ATP2C2: variants seen among roughly 807,000 people sequenced by gnomAD.
The protein encoded by ATP2C2 is ATPase secretory pathway Ca2+ transporting 2.
A neutral mutation model predicts 110.8 loss-of-function variants in ATP2C2; 171 were observed. The observed-to-expected ratio is 1.54, with a 90% CI of 1.36 to 1.75. The LOEUF (loss-of-function observed/expected upper bound fraction) is 1.75, where lower values mean the gene tolerates loss of function less well. Among genes scored for constraint, ATP2C2 ranks in the 40% most tolerant of loss-of-function variants. The probability of loss-of-function intolerance (pLI) is 0.00; values close to 1 mark genes in which losing one functional copy is unlikely to be tolerated. For missense variants in ATP2C2, 1,963 were observed against 1,235.0 expected (o/e 1.59, Z -8.84); for synonymous variants, 804 against 508.4 (o/e 1.58, Z -7.82).
At chr16:84,369,265 T>C (rs924054242) in intron 1 of ATP2C2, among the ~76,000 whole-genome samples, 5 of 152,128 alleles carry the variant, frequency 3.3e-5, no homozygotes, top group Non-Finnish European at 7.4e-5. Context: ...AGGGACCCTC[T>C]GGGATAAAGC....
In ATP2C2 at chr16:84,442,413, C is replaced by T. The variant is rs1909346942; in HGVS notation, c.1312-97C>T. ...GTTGTTTTAAAGAGCAAGTCTTGTCCCCACAACCCCAGCTGTAAAAATGGG... is the reference window on the plus strand; with the variant it reads ...GTTGTTTTAAAGAGCAAGTCTTGTCTCCACAACCCCAGCTGTAAAAATGGG... On this transcript the variant is annotated intron_variant, in intron 14 of 26. Transcript: ENST00000262429. 9 of 1,140,920 alleles carry T rather than the reference C, an allele frequency of 7.9e-6. No homozygotes were observed. The South Asian group carries it at 8.7e-5, about 11-fold the overall frequency. The allele number at this position is 1,140,920 out of a possible 1,614,324, so 70.7% of individuals were successfully genotyped here.
intron 11 of ATP2C2, among the ~76,000 whole-genome samples, chr16:84,433,190 G>A (rs1313268496): frequency 2.6e-5 from 4 of 152,012 alleles, no homozygotes; most frequent in Non-Finnish European, 5.9e-5. Flanking sequence ...GACCAGCCTA[G>A]ACAACATAGT....
In ATP2C2 at chr16:84,462,059, G is replaced by A; in HGVS notation, c.2652G>A (p.Leu884=). The change falls in exon 26 of 27, where the codon CTG becomes CTA. Residue 884 remains leucine (L), a synonymous_variant. Transcript: ENST00000262429. ...MFLYSVLGSI[L]GQLAVIYIPP... The stretch of plus-strand genomic sequence containing the variant: ...TCTACTCCGTCCTGGGGTCCATCCT[G>A]GGGCAGCTGGCGGTCATTTACATCC... 1.2e-6 allele frequency: 2 copies of A among 1,614,044 alleles called. No homozygotes were observed. The highest frequency in any genetic ancestry group is 1.7e-6 in the Non-Finnish European group (2 of 1,179,968).
intron 2 of ATP2C2, among the ~76,000 whole-genome samples, chr16:84,399,297 A>T (rs551949791): frequency 6.6e-6 from 1 of 152,228 alleles, no homozygotes; most frequent in Non-Finnish European, 1.5e-5. Context: ...TTTCAATTCA[A>T]GTCCTGTGTA....
chr16:84,458,343 G>A (rs1910883840), intron 21 of ATP2C2, among the ~76,000 whole-genome samples: 1 of 846 alleles, frequency 1.2e-3, no homozygotes, highest in African/African-American at 1.6e-3. Context: ...GGGGACTGTG[G>A]TGGGGTCGGG....
In ATP2C2 at chr16:84,461,626, G is replaced by A. The variant is rs889296438; in HGVS notation, c.2482-88G>A. 9.1e-6 allele frequency: 11 copies of A among 1,205,684 alleles called. No individual in the cohort carries two copies. The African/African-American group carries it at 1.5e-4, about 16-fold the overall frequency. 74.7% of individuals were successfully genotyped at this position (1,205,684 alleles called of 1,614,324 possible). A position where few individuals can be genotyped will look rare whatever the true frequency, so the allele number is the denominator to read the frequency against. ...GTAAGTGGCTCCCAGCCATGCCCCA[G>A]GAGCAGTGAGGCAGGCCTGTGCCCT... On this transcript the variant is annotated intron_variant, in intron 24 of 26. Coordinates refer to ENST00000262429, the MANE Select transcript of ATP2C2 (RefSeq NM_014861.4).
At chr16:84,371,540 C>G (rs188611877) in intron 1 of ATP2C2, among the ~76,000 whole-genome samples, 1 of 152,284 alleles carries the variant, frequency 6.6e-6, no homozygotes, top group African/African-American at 2.4e-5. Flanking sequence ...TTTGAGAGGC[C>G]TCCTTAATTT....
At chr16:84,397,673 A>AAAAAAAAAAAAAAAAAAAAAAAG (rs1905079752) in intron 1 of ATP2C2, among the ~76,000 whole-genome samples, 2 of 140,404 alleles carry the variant, frequency 1.4e-5, no homozygotes, top group Non-Finnish European at 1.5e-5. Flanking sequence ...AAAAAAAAAA[A>AAAAAAAAAAAAAAAAAAAAAAAG]CTTGCTTAAA....
chr16:84,382,375 C>G (rs1284845913), intron 1 of ATP2C2, among the ~76,000 whole-genome samples: 9 of 152,172 alleles, frequency 5.9e-5, no homozygotes, highest in Admixed American at 5.9e-4. Flanking sequence ...TTTCTTTATC[C>G]AGTCTATCAC....
rs558058438 is a variant in ATP2C2, at chr16:84,452,426, C to G, written c.1831+335C>G. Among the ~76,000 whole-genome samples, 4 of 151,738 alleles carry G rather than the reference C, an allele frequency of 2.6e-5. No homozygotes were observed. In the East Asian group the frequency reaches 7.8e-4, roughly 29 times the overall value. ...TCTGCCTCTAGCTGTGTACCCTTGG[C>G]AAACCATTGAACCACTCTGACCCTC... On this transcript the variant is annotated intron_variant, in intron 18 of 26. Transcript: ENST00000262429.
Position 84,448,605 on chromosome 16 carries a change from G to T in ATP2C2, c.1576G>T (p.Gly526Trp). The T allele has an allele frequency of 6.2e-7, 1 of 1,614,000 alleles. No individual in the cohort carries two copies. The highest frequency in any genetic ancestry group is 8.5e-7 in the Non-Finnish European group (1 of 1,179,942). The part of the protein sequence containing the change: ...VIRYCTMYNN[G>W]GIPLPLTPQQ... ...CCGCTACTGCACCATGTACAACAACGGGGGCATCCCCCTGCCGCTGACGCC... is the reference window on the plus strand; with the variant it reads ...CCGCTACTGCACCATGTACAACAACTGGGGCATCCCCCTGCCGCTGACGCC... The change falls in exon 17 of 27, where the codon GGG becomes TGG. Residue 526 changes from glycine to tryptophan, a missense_variant. Transcript: ENST00000262429.
Position 84,415,507 on chromosome 16 carries a change from C to T in ATP2C2, c.540C>T (p.His180=). Reference sequence around the variant, plus strand: ...GCCTAAGAGAAGGAAAACTCCAGCACCTGCTTGCTCGAGAACTGGTTCCTG... The same window carrying T: ...GCCTAAGAGAAGGAAAACTCCAGCATCTGCTTGCTCGAGAACTGGTTCCTG... ...CNCLREGKLQ[H]LLARELVPGD... is the part of the protein sequence containing the mutation. The change falls in exon 7 of 27, where the codon CAC becomes CAT. Residue 180 remains histidine (H), a synonymous_variant. Coordinates refer to ENST00000262429, the MANE Select transcript of ATP2C2 (RefSeq NM_014861.4). The T allele has an allele frequency of 3.1e-6, 5 of 1,614,170 alleles. No homozygotes were observed. Among genetic ancestry groups the T allele is most frequent in the Non-Finnish European group, 8.5e-7 (1 of 1,180,026 alleles).
intron 1 of ATP2C2, among the ~76,000 whole-genome samples, chr16:84,387,366 G>A (rs966223944): frequency 6.6e-6 from 1 of 152,106 alleles, no homozygotes; most frequent in East Asian, 1.9e-4. Context: ...ACAAAAATTA[G>A]CCAGGCATGA....
chr16:84,375,825 A>G (rs1567681988), intron 1 of ATP2C2, among the ~76,000 whole-genome samples: 2 of 152,226 alleles, frequency 1.3e-5, no homozygotes. Flanking sequence ...CCAAATTTCC[A>G]GCCACAAATA....
intron 14 of ATP2C2, 66 bp downstream of exon 14, chr16:84,441,024 A>T: frequency 1.5e-6 from 2 of 1,336,590 alleles, no homozygotes; most frequent in Non-Finnish European, 2.1e-6. Flanking sequence ...CTCCTCTCTG[A>T]AAAGGGAAAC....
At position 84,422,452 on chromosome 16, in the gene ATP2C2, A is replaced by G. The variant is rs377084195; in HGVS notation, c.687A>G (p.Thr229=). 48 of 1,613,698 alleles carry G rather than the reference A, an allele frequency of 3.0e-5. No individual in the cohort carries two copies. The highest frequency in any genetic ancestry group is 3.9e-5 in the Non-Finnish European group (46 of 1,180,022). ...GGGAAGCCGAGCCATGTAGTAAAAC[A>G]GACAGCCCCTTGACAGGCGGTGGGG... ...FTGEAEPCSK[T]DSPLTGGGDL... is the part of the protein sequence containing the mutation. Residue 229 remains threonine, a synonymous_variant, in exon 8 of 27, where the codon ACA becomes ACG. Transcript: ENST00000262429.
Position 84,459,432 on chromosome 16 carries a change from C to T in ATP2C2, c.2333+46C>T, listed in dbSNP as rs535653461. 8.2e-5 allele frequency: 131 copies of T among 1,604,138 alleles called. 1 individual carries two copies. The South Asian group carries it at 1.2e-3, about 15-fold the overall frequency. ...AGCCCTGTGTCTCTTTACCCACCTG[C>T]GGGGCTTCCTCCAGGGGCTGCTGGC... On this transcript the variant is annotated intron_variant, in intron 23 of 26. Coordinates refer to ENST00000262429, the MANE Select transcript of ATP2C2 (RefSeq NM_014861.4).
intron 11 of ATP2C2, 45 bp from the exon 12 acceptor site, chr16:84,439,121 C>G (rs201882619): frequency 5.5e-5 from 88 of 1,607,470 alleles, no homozygotes; most frequent in Non-Finnish European, 6.7e-5. Context: ...GAGTCACACA[C>G]TCCTTAAATG....
Position 84,405,137 on chromosome 16 carries a change from C to G in ATP2C2, c.220C>G (p.His74Asp). 6.2e-7 allele frequency: 1 copy of G among 1,613,832 alleles called. No individual in the cohort carries two copies. The highest frequency in any genetic ancestry group is 8.5e-7 in the Non-Finnish European group (1 of 1,179,952). Residue 74 changes from histidine (H) to aspartate (D), a missense_variant, in exon 3 of 27, where the codon CAC (histidine) becomes GAC (aspartate). Physicochemically the swap from His to Asp is moderately conservative, Grantham distance 81. Coordinates refer to ENST00000262429, the MANE Select transcript of ATP2C2 (RefSeq NM_014861.4). The stretch of plus-strand genomic sequence containing the variant: ...TGACCTCTCCTTCCAGGTGGACTTA[C>G]ACACTGGGCTGTCGGAGTTCTCGGT... ...DLARAFCVDL[H>D]TGLSEFSVTQ... is the part of the protein sequence containing the mutation.
Sources: gnomAD v4.1 joint callset for allele counts (sites outside exome capture counted in the v4.1 genomes callset) on GRCh38, gnomAD v4.1.1 for gene constraint, MANE v1.5 for transcripts, NCBI Gene and HGNC (gene_info 2026-07-23, HGNC 2026-07-21) for gene names.